RANBP2: variants seen among roughly 807,000 people sequenced by gnomAD.
RANBP2 encodes the protein RAN binding protein 2.
RANBP2 carries 57 observed loss-of-function variants against 303.6 expected under a neutral mutation model. The ratio of observed to expected loss-of-function variants is 0.19; its 90% CI spans 0.15 to 0.23. The LOEUF (loss-of-function observed/expected upper bound fraction) is 0.23. Among genes scored for constraint, RANBP2 ranks in the 10% least tolerant of loss-of-function variants. RANBP2 has a pLI of 1.00. For synonymous variants in RANBP2, 1,167 were observed against 1,301.5 expected (o/e 0.90, Z 2.23); for missense variants, 3,138 against 3,780.8 (o/e 0.83, Z 4.46).
the RANBP2 span, among the ~76,000 whole-genome samples, chr2:108,952,062 ATTTG>A: frequency 7.0e-4 from 106 of 152,258 alleles, 1 homozygote; most frequent in East Asian, 2.9e-3. Context: ...TTGTTTTTTC[ATTTG>A]TTTGTTTGAC....
At chr2:109,268,196 A>G in the RANBP2 span, among the ~76,000 whole-genome samples, 2 of 152,044 alleles carry the variant, frequency 1.3e-5, no homozygotes, top group African/African-American at 4.8e-5. Context: ...TGGGCAGGCT[A>G]GAATAGGTTT....
At chr2:109,050,378 T>C in the RANBP2 span, among the ~76,000 whole-genome samples, 273 of 152,046 alleles carry the variant, frequency 1.8e-3, no homozygotes, top group African/African-American at 6.1e-3. Flanking sequence ...CTCAGCCTCC[T>C]AAATAGCTGG....
the RANBP2 span, among the ~76,000 whole-genome samples, chr2:109,153,466 A>G: frequency 2.0e-5 from 3 of 152,206 alleles, no homozygotes; most frequent in Non-Finnish European, 4.4e-5. Flanking sequence ...GTATGAAAGG[A>G]CATGAAATAA....
the RANBP2 span, among the ~76,000 whole-genome samples, chr2:109,052,466 G>A: frequency 2.6e-5 from 4 of 152,110 alleles, no homozygotes; most frequent in Admixed American, 6.5e-5. Context: ...ATATTTCTTG[G>A]TGTAAGCTTT....
chr2:109,794,613 G>GGGA, the RANBP2 span: 2 of 314,700 alleles, frequency 6.4e-6, 1 homozygote, highest in Admixed American at 1.8e-4. Context: ...GGCGGCGGGG[G>GGGA]GGGCGGCGGC....
the RANBP2 span, among the ~76,000 whole-genome samples, chr2:109,195,972 C>T: frequency 6.6e-6 from 1 of 152,240 alleles, no homozygotes; most frequent in Admixed American, 6.5e-5. Context: ...TGCGGGCCTT[C>T]TGGAGACACC....
the RANBP2 span, among the ~76,000 whole-genome samples, chr2:109,048,161 C>G: frequency 6.6e-6 from 1 of 152,204 alleles, no homozygotes; most frequent in Non-Finnish European, 1.5e-5. Context: ...TCTGTGTGAT[C>G]TAATTTTTCT....
chr2:109,033,102 C>G, the RANBP2 span, among the ~76,000 whole-genome samples: 1 of 152,152 alleles, frequency 6.6e-6, no homozygotes, highest in South Asian at 2.1e-4. Context: ...TGGACAGAGA[C>G]CTTTCATGTT....
At chr2:109,267,252 A>G in the RANBP2 span, among the ~76,000 whole-genome samples, 15 of 152,122 alleles carry the variant, frequency 9.9e-5, no homozygotes, top group East Asian at 3.9e-4. Context: ...AAGGCACACA[A>G]TGGAACCAGA....
the RANBP2 span, among the ~76,000 whole-genome samples, chr2:109,593,445 AC>A: frequency 2.2e-5 from 3 of 134,216 alleles, no homozygotes; most frequent in Non-Finnish European, 3.0e-5. Context: ...TTGCTCTGTC[AC>A]CCAGACTGGA....
the RANBP2 span, among the ~76,000 whole-genome samples, chr2:109,287,755 T>C: frequency 6.6e-6 from 1 of 152,154 alleles, no homozygotes; most frequent in Non-Finnish European, 1.5e-5. Flanking sequence ...TCTGCAGAGC[T>C]TTTTGGCCCT....
At chr2:108,970,287 G>A in the RANBP2 span, among the ~76,000 whole-genome samples, 1 of 152,188 alleles carries the variant, frequency 6.6e-6, no homozygotes, top group Non-Finnish European at 1.5e-5. Flanking sequence ...TACGACACCA[G>A]GAGACATGAG....
rs1678439809 is a variant in RANBP2, at chr2:108,784,004, C to T, written c.*103C>T. ...GTTCAGCTTTTGAAAATGGACGTTT[C>T]CGATTTACAAATGTAAAATTGCAGC... is the stretch of plus-strand genomic sequence containing the variant. On this transcript the variant is annotated 3_prime_UTR_variant, in exon 29 of 29. Transcript: ENST00000283195. 3.5e-6 allele frequency: 4 copies of T among 1,130,274 alleles called. No individual in the cohort carries two copies. The East Asian group carries it at 1.0e-4, about 28-fold the overall frequency. 70.0% of individuals were successfully genotyped at this position (1,130,274 alleles called of 1,614,324 possible).
chr2:109,185,478 C>T, the RANBP2 span, among the ~76,000 whole-genome samples: 2 of 152,252 alleles, frequency 1.3e-5, no homozygotes, highest in African/African-American at 4.8e-5. Flanking sequence ...CAGGACATCA[C>T]ATTTACTTGA....
the RANBP2 span, among the ~76,000 whole-genome samples, chr2:109,221,581 CAAA>C: frequency 6.3e-5 from 4 of 63,332 alleles, no homozygotes; most frequent in African/African-American, 9.1e-5. Flanking sequence ...GACTCCATCT[CAAA>C]AAAAAAAAAA....
intron 26 of RANBP2, 38 bp from the exon 27 acceptor site, chr2:108,782,090 A>C (rs1573857257): frequency 1.2e-6 from 2 of 1,603,038 alleles, no homozygotes; most frequent in African/African-American, 2.7e-5. Context: ...AATTTATTAT[A>C]AGCAGCAGCT....
chr2:108,750,556 C>CCTTTT (rs70956276), intron 9 of RANBP2, among the ~76,000 whole-genome samples: 41,686 of 135,244 alleles, frequency 0.31, 8,050 homozygotes, highest in East Asian at 0.57. Context: ...AAGCACATAA[C>CCTTTT]CTTTTCTTTT....
chr2:108,767,640 A>C lies in RANBP2; in HGVS notation c.7101A>C (p.Gln2367His), dbSNP rs1175995491. The change falls in exon 20 of 29, where the codon CAA becomes CAC. Residue 2367 changes from glutamine to histidine, a missense_variant. Around this residue, in one of 20 missense-constraint regions of RANBP2, gnomAD observed 92 missense variants for 211.0 expected, o/e 0.44. Coordinates refer to ENST00000283195, the MANE Select transcript of RANBP2 (RefSeq NM_006267.5). ...TTTTACAGAATTATGATAATAAGCA[A>C]GTTCGTATAGTGATGAGAAGGGACC... ...IKILQNYDNKQVRIVMRRDQV... is the reference protein window; with the variant it reads ...IKILQNYDNKHVRIVMRRDQV... 1 of 1,611,898 alleles carries C rather than the reference A, an allele frequency of 6.2e-7. No individual in the cohort carries two copies. Among genetic ancestry groups the C allele is most frequent in the South Asian group, 1.1e-5 (1 of 90,998 alleles).
At chr2:108,970,466 C>T in the RANBP2 span, among the ~76,000 whole-genome samples, 1 of 152,120 alleles carries the variant, frequency 6.6e-6, no homozygotes, top group African/African-American at 2.4e-5. Flanking sequence ...CTTGGTTATA[C>T]TGAGACACAA....
Sources: gnomAD v4.1 joint callset for allele counts (sites outside exome capture counted in the v4.1 genomes callset) on GRCh38, gnomAD v4.1.1 for gene constraint, gnomAD v4.1.1 regional missense constraint, MANE v1.5 for transcripts, NCBI Gene and HGNC (gene_info 2026-07-23, HGNC 2026-07-21) for gene names.